Variants in CLCN1 observed in about 807,000 individuals in gnomAD.
The protein encoded by CLCN1 is chloride voltage-gated channel 1, also known as chloride channel protein 1.
A neutral mutation model predicts 114.5 loss-of-function variants in CLCN1; 100 were observed. That is an observed-to-expected ratio of 0.87 (90% CI 0.74 to 1.03). The LOEUF is 1.03. Among genes scored for constraint, CLCN1 ranks in the 50% least tolerant of loss-of-function variants. The pLI, the probability that CLCN1 is intolerant of heterozygous loss-of-function variation, is 0.00. For missense variants in CLCN1, 1,188 were observed against 1,250.0 expected, an observed-to-expected ratio of 0.95 and a Z score of 0.75; for synonymous variants, 485 against 487.1, an observed-to-expected ratio of 1.00 and a Z score of 0.06.
At position 143,351,505 on chromosome 7, in the gene CLCN1, G is replaced by A. The variant is rs796549524; in HGVS notation, c.2596-89G>A. On this transcript the variant is annotated intron_variant, in intron 22 of 22. Transcript: ENST00000343257. ...TTTCCTGTTCTTTTTTCCTTTCATT[G>A]TACCTGTTCTTTTCTGTGTCTCTCA... 6.2e-5 allele frequency: 87 copies of A among 1,408,370 alleles called. No homozygotes were observed. In the African/African-American group the frequency reaches 1.0e-3, roughly 17 times the overall value. 87.2% of individuals were successfully genotyped at this position (1,408,370 alleles called of 1,614,324 possible).
At position 143,350,620 on chromosome 7, in the gene CLCN1, TG is replaced by T. The variant is rs1448807519; in HGVS notation, c.2565del (p.Lys856SerfsTer67). 1 of 1,614,096 alleles carries T rather than the reference TG, an allele frequency of 6.2e-7. No individual in the cohort carries two copies. Among genetic ancestry groups the T allele is most frequent in the Admixed American group, 1.7e-5 (1 of 60,014 alleles). On this transcript the variant is annotated frameshift_variant, in exon 22 of 23. Coordinates refer to ENST00000343257, the MANE Select transcript of CLCN1 (RefSeq NM_000083.3). LOFTEE classifies it high-confidence loss of function. This position sits in a 1 kb window ranked among gnomAD's most constrained non-coding sequence, Gnocchi z 5.1. Reference protein sequence around the residue: ...LGLHLAYVTSMGKLRGVLALE... With the variant: ...LGLHLAYVTSXGKLRGVLALE... Reference sequence around the variant, plus strand: ...CTCCACCTCGCTTACGTGACCAGCATGGGGAAGCTCAGGGGCGTCCTGGCCC... The same window carrying T: ...CTCCACCTCGCTTACGTGACCAGCATGGGAAGCTCAGGGGCGTCCTGGCCC...
At chr7:143,322,548 T>C (rs1330053821) in intron 5 of CLCN1, among the ~76,000 whole-genome samples, 4 of 152,190 alleles carry the variant, frequency 2.6e-5, no homozygotes, top group Non-Finnish European at 4.4e-5. Context: ...GTTGAGACAG[T>C]GTCTAGCTCG....
At chr7:143,336,153 G>A (rs1164835374) in intron 12 of CLCN1, among the ~76,000 whole-genome samples, 2 of 151,980 alleles carry the variant, frequency 1.3e-5, no homozygotes, top group Admixed American at 1.3e-4. Context: ...CACAGCCTGA[G>A]GCTCTGTTGA....
chr7:143,320,046 T>C (rs1222599246), intron 2 of CLCN1, among the ~76,000 whole-genome samples, 171 bp downstream of exon 2: 1 of 152,210 alleles, frequency 6.6e-6, no homozygotes, highest in African/African-American at 2.4e-5. Context: ...TGAAGTGCAG[T>C]GGAGTGATCA....
chr7:143,342,087 A>G lies in CLCN1; in HGVS notation c.1741A>G (p.Ile581Val), dbSNP rs1803094547. 6.2e-7 allele frequency: 1 copy of G among 1,614,082 alleles called. No individual in the cohort carries two copies. The highest frequency in any genetic ancestry group is 1.3e-5 in the African/African-American group (1 of 74,922). Residue 581 changes from isoleucine (I) to valine (V), a missense_variant, in exon 15 of 23, where the codon ATC (isoleucine) becomes GTC (valine). Ile to Val is a conservative substitution (Grantham distance 29). Coordinates refer to ENST00000343257, the MANE Select transcript of CLCN1 (RefSeq NM_000083.3). ...CCTGCAGCCCTCTCTCTATGACAGCATCATCCAGGTCAAGAAGCTACCCTA... is the reference window on the plus strand; with the variant it reads ...CCTGCAGCCCTCTCTCTATGACAGCGTCATCCAGGTCAAGAAGCTACCCTA... ...QSLQPSLYDS[I>V]IQVKKLPYLP... is the part of the protein sequence containing the mutation.
Position 143,320,791 on chromosome 7 carries a change from T to C in CLCN1, c.429T>C (p.Leu143=). ...TGGACTACGTCAGTGCCAAAAGCCT[T>C]CAGGGTAGGTTTAACCTGGACCTTT... ...WSMDYVSAKS[L]QAYKWSYAQM... Residue 143 remains leucine, a synonymous_variant, in exon 3 of 23, where the codon CTT becomes CTC. Transcript: ENST00000343257. 5 of 1,614,078 alleles carry C rather than the reference T, an allele frequency of 3.1e-6. No homozygotes were observed. Among genetic ancestry groups the C allele is most frequent in the Non-Finnish European group, 3.4e-6 (4 of 1,180,000 alleles).
chr7:143,325,386 TGATAAGTGGA>T (rs1390081874), intron 7 of CLCN1, among the ~76,000 whole-genome samples: 1 of 152,172 alleles, frequency 6.6e-6, no homozygotes, highest in Non-Finnish European at 1.5e-5. Flanking sequence ...GGTGCAGGAA[TGATAAGTGGA>T]GAAGAGTTTA....
chr7:143,316,112 G>T lies in CLCN1; in HGVS notation c.-101G>T. 1 of 936,352 alleles carries T rather than the reference G, an allele frequency of 1.1e-6. No homozygotes were observed. The highest frequency in any genetic ancestry group is 1.3e-5 in the South Asian group (1 of 76,040). The allele number at this position is 936,352 out of a possible 1,614,324, so 58.0% of individuals were successfully genotyped here. On this transcript the variant is annotated 5_prime_UTR_variant, in exon 1 of 23. Transcript: ENST00000343257. Reference sequence around the variant, plus strand: ...AGCTGGAGGTGGGCATGCTGCCCCAGACGCCTTGGGGACAGCAAGAGCAGA... The same window carrying T: ...AGCTGGAGGTGGGCATGCTGCCCCATACGCCTTGGGGACAGCAAGAGCAGA...
At chr7:143,342,746 A>C (rs1214043591) in intron 16 of CLCN1, among the ~76,000 whole-genome samples, 1 of 152,204 alleles carries the variant, frequency 6.6e-6, no homozygotes, top group Non-Finnish European at 1.5e-5. Flanking sequence ...AGGTGGGCAG[A>C]TCACCTGAGG....
intron 22 of CLCN1, 117 bp from the exon 23 acceptor site, chr7:143,351,477 A>C (rs1341122979): frequency 3.5e-6 from 4 of 1,149,644 alleles, no homozygotes; most frequent in Non-Finnish European, 5.0e-6. Context: ...GCCACTCTAT[A>C]TCTTTCCTGT....
intron 14 of CLCN1, among the ~76,000 whole-genome samples, chr7:143,340,054 T>C (rs1038512916): frequency 1.3e-5 from 2 of 152,180 alleles, no homozygotes; most frequent in Non-Finnish European, 2.9e-5. Flanking sequence ...CTCCTGCCAC[T>C]TGTTACCAGT....
chr7:143,342,553 G>A (rs1803115359), intron 16 of CLCN1, 48 bp downstream of exon 16: 3 of 1,597,166 alleles, frequency 1.9e-6, no homozygotes, highest in South Asian at 2.2e-5. Context: ...ACCTGAATAA[G>A]GGTCACATAG....
Position 143,350,282 on chromosome 7 carries a change from C to T in CLCN1, c.2404-90C>T, listed in dbSNP as rs41277416. On this transcript the variant is annotated intron_variant, in intron 20 of 22. Coordinates refer to ENST00000343257, the MANE Select transcript of CLCN1 (RefSeq NM_000083.3). The surrounding 1 kb of genome is among the most constrained non-coding windows in gnomAD (Gnocchi z 5.1). ...TTGCATGTTCCCAGATTCTGGGCAG[C>T]GGCTAGGAGGGCCGTTTGGGGTCAA... 0.057 allele frequency: 52,923 copies of T among 933,786 alleles called. 1,736 individuals are homozygous for T. Among genetic ancestry groups the T allele is most frequent in the Non-Finnish European group, 0.065 (37,686 of 581,808 alleles). 57.8% of individuals were successfully genotyped at this position (933,786 alleles called of 1,614,324 possible).
At chr7:143,317,422 TAC>T in intron 1 of CLCN1, among the ~76,000 whole-genome samples, 1 of 152,172 alleles carries the variant, frequency 6.6e-6, no homozygotes, top group Middle Eastern at 3.4e-3. Flanking sequence ...CAAATTTTTG[TAC>T]TTTCAGTAGA....
At chr7:143,322,951 C>A (rs1297169125) in intron 5 of CLCN1, among the ~76,000 whole-genome samples, 1 of 152,214 alleles carries the variant, frequency 6.6e-6, no homozygotes, top group African/African-American at 2.4e-5. Flanking sequence ...TGCCCTGGGC[C>A]CCTCAGGGCG....
At chr7:143,320,579 C>G (rs1586484004) in intron 2 of CLCN1, 85 bp from the exon 3 acceptor site, 8 of 1,139,158 alleles carry the variant, frequency 7.0e-6, no homozygotes, top group Non-Finnish European at 8.9e-6. Context: ...CTCTCTCTCT[C>G]TCTCTCTGTC....
chr7:143,322,626 G>A (rs1351176636), intron 5 of CLCN1, among the ~76,000 whole-genome samples: 1 of 152,196 alleles, frequency 6.6e-6, no homozygotes, highest in African/African-American at 2.4e-5. Flanking sequence ...AGGTTCAAGC[G>A]ATTCTCCCAC....
intron 9 of CLCN1, 112 bp downstream of exon 9, chr7:143,331,428 G>T (rs1802721174): frequency 8.9e-7 from 1 of 1,121,164 alleles, no homozygotes. Context: ...AGAGTACATT[G>T]CTGGGGGGAT....
Position 143,345,550 on chromosome 7 carries a change from C to A in CLCN1, c.1960C>A (p.Arg654=), listed in dbSNP as rs1306901929. The change falls in exon 17 of 23, where the codon CGG becomes AGG. Residue 654 remains arginine (R), a synonymous_variant. Coordinates refer to ENST00000343257, the MANE Select transcript of CLCN1 (RefSeq NM_000083.3). ...DSMILLGSVE[R]SELQALLQRH... Reference sequence around the variant, plus strand: ...AATGATCCTGCTGGGCTCGGTGGAGCGGTCGGAACTGCAGGCCCTCCTGCA... The same window carrying A: ...AATGATCCTGCTGGGCTCGGTGGAGAGGTCGGAACTGCAGGCCCTCCTGCA... 5 of 1,540,314 alleles carry A rather than the reference C, an allele frequency of 3.2e-6. No individual in the cohort carries two copies. The highest frequency in any genetic ancestry group is 3.5e-6 in the Non-Finnish European group (4 of 1,139,546).
Sources: allele counts gnomAD v4.1 joint callset (sites outside exome capture counted in the v4.1 genomes callset), GRCh38; gene constraint gnomAD v4.1.1; non-coding constraint Gnocchi (gnomAD v3.1); transcripts MANE v1.5; gene names NCBI Gene and HGNC (gene_info 2026-07-23, HGNC 2026-07-21).